Variants in DAB1 observed in about 807,000 individuals in gnomAD.
DAB1 encodes DAB adaptor protein 1, also known as disabled homolog 1.
Under a neutral mutation model 64.6 loss-of-function variants are expected in DAB1, and 15 were observed. The ratio of observed to expected loss-of-function variants is 0.23; its 90% CI spans 0.16 to 0.36. The LOEUF (loss-of-function observed/expected upper bound fraction) is 0.36. Among genes scored for constraint, DAB1 ranks in the 10% least tolerant of loss-of-function variants. The pLI is 1.00. For missense variants in DAB1, 596 were observed against 706.7 expected (o/e 0.84, Z 1.78); for synonymous variants, 235 against 251.9 (o/e 0.93, Z 0.64).
At chr1:57,519,085 T>C (rs550536906) in intron 7 of DAB1, among the ~76,000 whole-genome samples, 18 of 152,294 alleles carry the variant, frequency 1.2e-4, no homozygotes, top group African/African-American at 4.3e-4. Context: ...ATTTTGAAGT[T>C]CTTACAATAG....
intron 5 of DAB1, among the ~76,000 whole-genome samples, chr1:57,920,151 G>A (rs1644787713): frequency 6.6e-6 from 1 of 152,162 alleles, no homozygotes; most frequent in South Asian, 2.1e-4. Context: ...AGAATTGTAA[G>A]TCAGAAAGGG....
At chr1:58,085,194 G>C (rs970563413) in intron 5 of DAB1, among the ~76,000 whole-genome samples, 1 of 152,114 alleles carries the variant, frequency 6.6e-6, no homozygotes, top group African/African-American at 2.4e-5. Flanking sequence ...GGAGGAATTG[G>C]ATCTATACCC....
intron 1 of DAB1, among the ~76,000 whole-genome samples, chr1:57,407,915 G>A (rs1029367437): frequency 6.6e-6 from 1 of 152,128 alleles, no homozygotes; most frequent in African/African-American, 2.4e-5. Flanking sequence ...TAAATGTCCA[G>A]CATTTAAATG....
chr1:57,522,808 T>A (rs1035076652), intron 7 of DAB1, among the ~76,000 whole-genome samples: 2 of 152,200 alleles, frequency 1.3e-5, no homozygotes, highest in African/African-American at 4.8e-5. Context: ...GAAGCTAGAA[T>A]AAAGCAGGCA....
At chr1:57,308,179 T>A (rs531359814) in intron 1 of DAB1, among the ~76,000 whole-genome samples, 38 of 152,172 alleles carry the variant, frequency 2.5e-4, no homozygotes, top group Non-Finnish European at 5.3e-4. Context: ...GATTTGTAAT[T>A]GAGTTATCCC....
intron 1 of DAB1, chr1:57,862,532 C>G (rs1654099189): frequency 6.6e-6 from 1 of 152,144 alleles, no homozygotes; most frequent in Non-Finnish European, 1.5e-5. Flanking sequence ...AAGGCACAGG[C>G]TGGAAGAAAA....
chr1:57,434,173 C>T (rs986481049), intron 7 of DAB1, among the ~76,000 whole-genome samples: 2 of 152,198 alleles, frequency 1.3e-5, no homozygotes, highest in East Asian at 3.9e-4. Flanking sequence ...CATATATACA[C>T]ACATATACTT....
intron 2 of DAB1, among the ~76,000 whole-genome samples, chr1:57,180,698 C>A (rs1406513666): frequency 1.3e-5 from 2 of 152,156 alleles, no homozygotes; most frequent in Admixed American, 1.3e-4. Context: ...CACACACACA[C>A]TTCTCCTGAG....
intron 3 of DAB1, among the ~76,000 whole-genome samples, chr1:58,414,777 T>A (rs1353764196): frequency 6.7e-6 from 1 of 150,024 alleles, no homozygotes; most frequent in Non-Finnish European, 1.5e-5. Flanking sequence ...AGCAAAAAAA[T>A]TAAAAAAAAA....
chr1:57,498,885 C>T (rs183383254), intron 7 of DAB1, among the ~76,000 whole-genome samples: 10 of 152,228 alleles, frequency 6.6e-5, no homozygotes, highest in Middle Eastern at 3.4e-3. Context: ...GCTATGTGAA[C>T]GAATTGGTTT....
intron 7 of DAB1, among the ~76,000 whole-genome samples, chr1:57,642,093 C>T (rs561686558): frequency 7.2e-5 from 11 of 152,164 alleles, no homozygotes; most frequent in African/African-American, 2.7e-4. Context: ...TATGGAAGTG[C>T]TCAGTGATTT....
intron 1 of DAB1, chr1:57,387,080 TA>T (rs1372361420): frequency 6.6e-6 from 1 of 152,158 alleles, no homozygotes; most frequent in Non-Finnish European, 1.5e-5. Flanking sequence ...AGGTTAACAG[TA>T]AGACTTTGGA....
intron 5 of DAB1, chr1:58,071,417 G>C: frequency 6.7e-6 from 1 of 149,198 alleles, no homozygotes; most frequent in Non-Finnish European, 1.5e-5. Context: ...GGTGGGGAGA[G>C]ACTGAAGTTC....
chr1:57,171,469 G>C (rs568256483), intron 2 of DAB1, among the ~76,000 whole-genome samples: 5 of 152,072 alleles, frequency 3.3e-5, no homozygotes, highest in Non-Finnish European at 2.9e-5. Flanking sequence ...TAGAAGAAAA[G>C]AGTTCCTCTT....
Position 57,576,878 on chromosome 1 carries a change from G to T in DAB1, n.625+72714C>A, listed in dbSNP as rs17116037. The stretch of plus-strand genomic sequence containing the variant: ...CTATGAGCAATATATGCCCTCGGCC[G>T]CTTGCCACATGTTTGCCTTACAGGC... On this transcript the variant is annotated intron_variant and non_coding_transcript_variant, in intron 7 of 20. Transcript: ENST00000485760. Among the ~76,000 whole-genome samples the T allele has an allele frequency of 7.1e-3, 1,079 of 152,276 alleles. 13 individuals carry two copies. Among genetic ancestry groups the T allele is most frequent in the African/African-American group, 0.025 (1,030 of 41,568 alleles).
chr1:58,170,349 G>T (rs144712736), intron 4 of DAB1, among the ~76,000 whole-genome samples: 2 of 152,118 alleles, frequency 1.3e-5, no homozygotes, highest in Non-Finnish European at 2.9e-5. Context: ...AGCTATGGGA[G>T]GCCTTAAGAA....
At chr1:57,424,435 C>G (rs565619137), upstream of DAB1, among the ~76,000 whole-genome samples, 2 of 151,288 alleles carry the variant, frequency 1.3e-5, no homozygotes, top group Non-Finnish European at 1.5e-5. Context: ...GGGGGAGAGA[C>G]GAGCCGAGAG....
intron 3 of DAB1, among the ~76,000 whole-genome samples, chr1:58,431,744 T>C (rs1435414942): frequency 2.0e-5 from 3 of 152,186 alleles, no homozygotes; most frequent in Admixed American, 6.5e-5. Context: ...CCTTTTTTTT[T>C]CTTTCCTTTC....
chr1:58,051,895 GT>G (rs1270938439), intron 5 of DAB1, among the ~76,000 whole-genome samples: 4 of 152,058 alleles, frequency 2.6e-5, no homozygotes, highest in Non-Finnish European at 4.4e-5. Flanking sequence ...TGATGGGGTT[GT>G]TTTTTTCTTG....
Sources: allele counts gnomAD v4.1 joint callset (sites outside exome capture counted in the v4.1 genomes callset), GRCh38; gene constraint gnomAD v4.1.1; transcripts MANE v1.5; gene names NCBI Gene and HGNC (gene_info 2026-07-23, HGNC 2026-07-21).